Variants in CACNA1C observed in about 807,000 individuals in gnomAD.
CACNA1C encodes calcium voltage-gated channel subunit alpha1 C, also known as voltage-dependent L-type calcium channel subunit alpha-1C.
In CACNA1C, 30 loss-of-function variants were observed where a neutral mutation model predicts 229.0. The ratio of observed to expected loss-of-function variants is 0.13; its 90% confidence interval spans 0.10 to 0.18. CACNA1C has a LOEUF of 0.18. Among genes scored for constraint, CACNA1C ranks in the 10% least tolerant of loss-of-function variants. The pLI, the probability that CACNA1C is intolerant of heterozygous loss-of-function variation, is 1.00. For synonymous variants in CACNA1C, 1,114 were observed against 1,132.5 expected, an observed-to-expected ratio of 0.98 and a Z score of 0.33; for missense variants, 1,658 against 2,845.0, an observed-to-expected ratio of 0.58 and a Z score of 9.49.
chr12:2,517,954 A>C (rs1358440826), intron 9 of CACNA1C, among the ~76,000 whole-genome samples: 2 of 152,238 alleles, frequency 1.3e-5, no homozygotes, highest in East Asian at 3.8e-4. Context: ...TGGCTCTCTA[A>C]AGCTTGCAGT....
intron 3 of CACNA1C, among the ~76,000 whole-genome samples, chr12:2,335,097 G>A (rs2096651747): frequency 6.6e-6 from 1 of 152,258 alleles, no homozygotes; most frequent in East Asian, 1.9e-4. Flanking sequence ...GGGTTTGGAG[G>A]TTCTAGTATC....
chr12:2,464,959 C>CA (rs2099540837), intron 5 of CACNA1C, among the ~76,000 whole-genome samples: 1 of 152,216 alleles, frequency 6.6e-6, no homozygotes, highest in Non-Finnish European at 1.5e-5. Context: ...GTTCTTGAAT[C>CA]AGACTACTTA....
intron 3 of CACNA1C, among the ~76,000 whole-genome samples, chr12:2,383,664 C>T (rs950826248): frequency 6.6e-6 from 1 of 152,146 alleles, no homozygotes; most frequent in African/African-American, 2.4e-5. Context: ...AGAGCCAAGG[C>T]AAGGAAAAGA....
chr12:2,041,270 C>CTTTTTTTTTTTT (rs58922699), intron 1 of CACNA1C, among the ~76,000 whole-genome samples: 1 of 91,008 alleles, frequency 1.1e-5, no homozygotes, highest in Non-Finnish European at 2.1e-5. Context: ...TAAGGGTATT[C>CTTTTTTTTTTTT]TTTTTTTTTT....
At chr12:2,394,963 T>A (rs1329274157) in intron 3 of CACNA1C, among the ~76,000 whole-genome samples, 3 of 152,252 alleles carry the variant, frequency 2.0e-5, no homozygotes, top group Non-Finnish European at 4.4e-5. Context: ...TTTGTTTATT[T>A]CACTTAGTTT....
intron 1 of CACNA1C, among the ~76,000 whole-genome samples, chr12:2,094,500 C>T (rs1341853153): frequency 6.6e-6 from 1 of 152,102 alleles, no homozygotes; most frequent in Admixed American, 6.5e-5. Flanking sequence ...GCCAGCATGT[C>T]CTGAATGATA....
rs1307129046 is a variant in CACNA1C, at chr12:2,686,097, G to C, written c.5681-69G>C. On this transcript the variant is annotated intron_variant, in intron 44 of 46. Coordinates refer to ENST00000399655, the MANE Select transcript of CACNA1C (RefSeq NM_000719.7). ...GTTACTGCTCCTGGCACCCCACCAG[G>C]GTGTAAACTGTCACAGGCCAGTGCC... 3.3e-6 allele frequency: 4 copies of C among 1,206,144 alleles called. No individual in the cohort carries two copies. The African/African-American group carries it at 5.9e-5, about 18-fold the overall frequency. 74.7% of individuals were successfully genotyped at this position (1,206,144 alleles called of 1,614,324 possible).
At chr12:2,456,055 C>T (rs538088631) in intron 4 of CACNA1C, among the ~76,000 whole-genome samples, 2 of 152,320 alleles carry the variant, frequency 1.3e-5, no homozygotes, top group Admixed American at 6.5e-5. Context: ...GACATGCATT[C>T]GATGTCCAAG....
intron 4 of CACNA1C, among the ~76,000 whole-genome samples, chr12:2,454,776 C>T (rs1421128907): frequency 5.3e-5 from 8 of 152,204 alleles, no homozygotes; most frequent in African/African-American, 1.9e-4. Context: ...TTTCAGCACC[C>T]GTGCCTCTCT....
chr12:2,103,198 C>T lies in CACNA1C; in HGVS notation c.50-12026C>T, dbSNP rs907082019. Among the ~76,000 whole-genome samples the T allele has an allele frequency of 1.1e-4, 16 of 152,332 alleles. No homozygotes were observed. In the South Asian group the frequency reaches 2.9e-3, roughly 28 times the overall value. On this transcript the variant is annotated intron_variant, in intron 1 of 46. Coordinates refer to ENST00000399655, the MANE Select transcript of CACNA1C (RefSeq NM_000719.7). The stretch of plus-strand genomic sequence containing the variant: ...ATGGTTGAACTAATTTACACTCTCA[C>T]CAACAGTGTAAAAGTGTTCCTATTT...
intron 18 of CACNA1C, among the ~76,000 whole-genome samples, chr12:2,591,029 A>G (rs1386671022): frequency 1.3e-5 from 2 of 152,178 alleles, no homozygotes; most frequent in East Asian, 1.9e-4. Context: ...CTTGTCCTGT[A>G]GACAGTTTTT....
At chr12:2,096,846 A>G (rs1480600097) in intron 1 of CACNA1C, among the ~76,000 whole-genome samples, 1 of 152,220 alleles carries the variant, frequency 6.6e-6, no homozygotes, top group Non-Finnish European at 1.5e-5. Flanking sequence ...TCTTGTGTGT[A>G]TGGCTTACTT....
At chr12:2,393,862 T>TTGGGAGGCTAAGGTGGGAGGATCA (rs538457584) in intron 3 of CACNA1C, among the ~76,000 whole-genome samples, 232 of 152,112 alleles carry the variant, frequency 1.5e-3, no homozygotes, top group African/African-American at 5.4e-3. Flanking sequence ...TTCCAGCACT[T>TTGGGAGGCTAAGGTGGGAGGATCA]TGGGAGGCTA....
At chr12:2,052,385 C>G (rs1302505538), upstream of CACNA1C, among the ~76,000 whole-genome samples, 1 of 152,072 alleles carries the variant, frequency 6.6e-6, no homozygotes, top group Non-Finnish European at 1.5e-5. Flanking sequence ...ATCACGGAAT[C>G]ACGGCTCATC....
At chr12:2,136,260 G>A (rs1289123418) in intron 3 of CACNA1C, among the ~76,000 whole-genome samples, 5 of 151,370 alleles carry the variant, frequency 3.3e-5, no homozygotes, top group African/African-American at 7.3e-5. Flanking sequence ...CGTCTTCTGC[G>A]TCGGTCACGC....
At chr12:2,111,251 C>T (rs765600326) in intron 1 of CACNA1C, among the ~76,000 whole-genome samples, 7 of 152,214 alleles carry the variant, frequency 4.6e-5, no homozygotes, top group Non-Finnish European at 8.8e-5. Context: ...AATAAGGTCC[C>T]TCATGGAGTT....
chr12:2,399,493 C>T (rs1013231829), intron 3 of CACNA1C, among the ~76,000 whole-genome samples: 1 of 152,186 alleles, frequency 6.6e-6, no homozygotes, highest in Non-Finnish European at 1.5e-5. Flanking sequence ...CTCTGGAGTT[C>T]AGCCATCCTC....
intron 9 of CACNA1C, among the ~76,000 whole-genome samples, chr12:2,516,172 A>C (rs1440356894): frequency 6.6e-6 from 1 of 152,188 alleles, no homozygotes; most frequent in African/African-American, 2.4e-5. Context: ...GAAAAGCACC[A>C]TGCAGATAGT....
chr12:2,603,486 G>T (rs1303703934), intron 22 of CACNA1C: 1 of 152,242 alleles, frequency 6.6e-6, no homozygotes, highest in East Asian at 1.9e-4. Flanking sequence ...AAAAGCTTGA[G>T]AGGCTATCTC....
Sources: allele counts gnomAD v4.1 joint callset (sites outside exome capture counted in the v4.1 genomes callset), GRCh38; gene constraint gnomAD v4.1.1; transcripts MANE v1.5; gene names NCBI Gene and HGNC (gene_info 2026-07-23, HGNC 2026-07-21).